Variants in WWP1 observed in about 807,000 individuals in gnomAD.
WWP1 encodes WW domain containing E3 ubiquitin protein ligase 1, also known as NEDD4-like E3 ubiquitin-protein ligase WWP1.
In WWP1, 49 loss-of-function variants were observed where a neutral mutation model predicts 130.6. The observed-to-expected ratio is 0.38, with a 90% CI of 0.30 to 0.48. The LOEUF (loss-of-function observed/expected upper bound fraction) is 0.48. Ranked by LOEUF, WWP1 falls within the 20% of genes least tolerant of loss-of-function variation. The pLI is 0.99. For synonymous variants in WWP1, 332 were observed against 367.8 expected, an observed-to-expected ratio of 0.90 and a Z score of 1.11; for missense variants, 809 against 1,100.6, an observed-to-expected ratio of 0.74 and a Z score of 3.75.
At chr8:86,361,997 T>C (rs1471306630) in intron 1 of WWP1, among the ~76,000 whole-genome samples, 1 of 131,866 alleles carries the variant, frequency 7.6e-6, no homozygotes, top group African/African-American at 2.6e-5. Context: ...TATATACATA[T>C]ATATACACAC....
At chr8:86,343,030 C>G (rs1822311716) in intron 1 of WWP1, 100 bp downstream of exon 1, 1 of 300,962 alleles carries the variant, frequency 3.3e-6, no homozygotes, top group Non-Finnish European at 6.1e-6. Context: ...CCGGCGCCGT[C>G]CGCCCCCGGG....
intron 11 of WWP1, among the ~76,000 whole-genome samples, chr8:86,430,123 C>T (rs1187489593): frequency 3.3e-5 from 5 of 152,076 alleles, no homozygotes; most frequent in Admixed American, 3.3e-4. Flanking sequence ...ATTGCTTGAG[C>T]CCGGGAAGCA....
intron 5 of WWP1, among the ~76,000 whole-genome samples, chr8:86,392,118 C>T (rs1005272488): frequency 6.6e-6 from 1 of 152,158 alleles, no homozygotes; most frequent in African/African-American, 2.4e-5. Context: ...GTGGTGCTTG[C>T]TCAAGTCTTT....
chr8:86,454,285 T>A (rs973731018), intron 21 of WWP1, among the ~76,000 whole-genome samples: 37 of 152,264 alleles, frequency 2.4e-4, no homozygotes, highest in African/African-American at 8.4e-4. Flanking sequence ...ACTATATTTT[T>A]AATTTTTTTA....
chr8:86,456,020 C>G (rs1811425622), intron 21 of WWP1, among the ~76,000 whole-genome samples: 1 of 151,986 alleles, frequency 6.6e-6, no homozygotes, highest in Non-Finnish European at 1.5e-5. Flanking sequence ...AAGGGAATAT[C>G]TTTTCAACAA....
Position 86,408,124 on chromosome 8 carries a change from T to C in WWP1, c.725-3414T>C, listed in dbSNP as rs537503593. ...TATAGTTTTGTCCTTTCCAGGATGC[T>C]ACATAGTTGGAGTCCTACAGTGTGG... On this transcript the variant is annotated intron_variant, in intron 8 of 24. Coordinates refer to ENST00000517970, the MANE Select transcript of WWP1 (RefSeq NM_007013.4). 2.6e-5 allele frequency among the ~76,000 whole-genome samples: 4 copies of C among 152,334 alleles called. No homozygotes were observed. In the East Asian group the frequency reaches 7.7e-4, roughly 29 times the overall value.
chr8:86,385,268 G>T (rs1825213851), intron 5 of WWP1, among the ~76,000 whole-genome samples: 1 of 152,282 alleles, frequency 6.6e-6, no homozygotes, highest in African/African-American at 2.4e-5. Context: ...AGGCTCCAGT[G>T]GAGGGATGTT....
At chr8:86,463,162 A>G (rs1811856461) in intron 24 of WWP1, among the ~76,000 whole-genome samples, 1 of 152,170 alleles carries the variant, frequency 6.6e-6, no homozygotes, top group African/African-American at 2.4e-5. Context: ...AGACTTAGGT[A>G]TTTGACAGAC....
intron 18 of WWP1, among the ~76,000 whole-genome samples, chr8:86,446,518 A>AGGT: frequency 6.6e-6 from 1 of 152,114 alleles, no homozygotes; most frequent in South Asian, 2.1e-4. Flanking sequence ...TTTTTGTTGG[A>AGGT]CTTAGCCAGA....
At chr8:86,440,214 T>G (rs1227208465) in intron 17 of WWP1, among the ~76,000 whole-genome samples, 3 of 152,210 alleles carry the variant, frequency 2.0e-5, no homozygotes. Flanking sequence ...CTTATTTGCC[T>G]CAACTATTTG....
chr8:86,452,456 G>T, intron 20 of WWP1, 103 bp from the exon 21 acceptor site: 2 of 940,538 alleles, frequency 2.1e-6, no homozygotes, highest in Non-Finnish European at 3.1e-6. Flanking sequence ...TATATATATG[G>T]CATATTTAGA....
At chr8:86,375,688 C>T (rs757388570) in intron 3 of WWP1, among the ~76,000 whole-genome samples, 18 of 152,140 alleles carry the variant, frequency 1.2e-4, no homozygotes, top group Non-Finnish European at 2.5e-4. Flanking sequence ...TGGACATTGG[C>T]GTTCCACTGT....
intron 9 of WWP1, chr8:86,417,083 G>C (rs560105115): frequency 8.5e-5 from 13 of 152,656 alleles, no homozygotes; most frequent in Admixed American, 5.9e-4. Flanking sequence ...TGCCAGGGGA[G>C]GAGAGAAGGG....
intron 9 of WWP1, among the ~76,000 whole-genome samples, chr8:86,419,298 G>T (rs1281044706): frequency 1.3e-5 from 2 of 152,134 alleles, no homozygotes; most frequent in Non-Finnish European, 1.5e-5. Context: ...CGCGCCTGTA[G>T]TCCCAGCTAC....
intron 5 of WWP1, among the ~76,000 whole-genome samples, chr8:86,395,433 G>A (rs897584926): frequency 1.2e-4 from 18 of 152,154 alleles, no homozygotes; most frequent in African/African-American, 4.3e-4. Flanking sequence ...GAGAATGGCT[G>A]CAGGTTTTTG....
intron 1 of WWP1, among the ~76,000 whole-genome samples, chr8:86,368,686 G>A (rs560495282): frequency 5.3e-5 from 8 of 152,170 alleles, no homozygotes; most frequent in East Asian, 1.9e-4. Flanking sequence ...GCCTGATCAC[G>A]TTACACTGTC....
chr8:86,449,779 AT>A (rs1285111026), intron 20 of WWP1, among the ~76,000 whole-genome samples: 2 of 151,934 alleles, frequency 1.3e-5, no homozygotes, highest in African/African-American at 2.4e-5. Flanking sequence ...TGTTTTTTAT[AT>A]TTGTTTTGAA....
chr8:86,398,515 A>T, intron 6 of WWP1, 36 bp downstream of exon 6: 1 of 1,609,318 alleles, frequency 6.2e-7, no homozygotes, highest in Non-Finnish European at 8.5e-7. Context: ...AATTTCAAGG[A>T]AAAAGAATAA....
intron 1 of WWP1, among the ~76,000 whole-genome samples, chr8:86,349,074 T>G (rs1046095238): frequency 1.3e-5 from 2 of 151,944 alleles, no homozygotes; most frequent in African/African-American, 4.8e-5. Flanking sequence ...CAGGCTGGAG[T>G]GCAGTGGCTC....
Sources: allele counts gnomAD v4.1 joint callset (sites outside exome capture counted in the v4.1 genomes callset), GRCh38; gene constraint gnomAD v4.1.1; transcripts MANE v1.5; gene names NCBI Gene and HGNC (gene_info 2026-07-23, HGNC 2026-07-21).